ZNF385D: variants seen among roughly 807,000 people sequenced by gnomAD.
The protein encoded by ZNF385D is zinc finger protein 385D.
In ZNF385D, 15 loss-of-function variants were observed where a neutral mutation model predicts 35.8. That is an observed-to-expected ratio of 0.42 (90% CI 0.28 to 0.64). The LOEUF (loss-of-function observed/expected upper bound fraction) is 0.64. Ranked by LOEUF, ZNF385D falls within the 30% of genes least tolerant of loss-of-function variation. The pLI is 0.23. For synonymous variants in ZNF385D, 212 were observed against 186.8 expected, an observed-to-expected ratio of 1.13 and a Z score of -1.10; for missense variants, 474 against 494.6, an observed-to-expected ratio of 0.96 and a Z score of 0.39.
At chr3:22,242,445 G>A (rs537046064) in intron 2 of ZNF385D, among the ~76,000 whole-genome samples, 7 of 150,760 alleles carry the variant, frequency 4.6e-5, no homozygotes, top group African/African-American at 1.5e-4. Flanking sequence ...TGGATATCAC[G>A]TAAACCCTGA....
At chr3:22,250,221 T>A (rs188747395) in intron 2 of ZNF385D, among the ~76,000 whole-genome samples, 1 of 152,256 alleles carries the variant, frequency 6.6e-6, no homozygotes, top group East Asian at 1.9e-4. Flanking sequence ...GAAAATTTCT[T>A]TATAGATATA....
intron 4 of ZNF385D, among the ~76,000 whole-genome samples, chr3:21,458,932 G>A (rs1020785517): frequency 1.3e-5 from 2 of 152,124 alleles, no homozygotes; most frequent in South Asian, 4.1e-4. Context: ...TTAAATGGGT[G>A]AATTCTATGG....
At chr3:21,931,458 A>G (rs1160674615) in intron 3 of ZNF385D, among the ~76,000 whole-genome samples, 2 of 152,210 alleles carry the variant, frequency 1.3e-5, no homozygotes, top group Non-Finnish European at 2.9e-5. Context: ...ACTTAAATGA[A>G]AAACGTATGT....
exon 2 of ZNF385D, chr3:22,372,509 C>CTCT: frequency 1.0e-6 from 1 of 985,710 alleles, no homozygotes; most frequent in Non-Finnish European, 1.2e-6. Context: ...TCCCACCGAG[C>CTCT]TCTTCATTCT....
rs192432803 is a variant in ZNF385D, at chr3:22,169,449, G to T, written c.107-414C>A. Among the ~76,000 whole-genome samples the T allele has an allele frequency of 2.2e-4, 33 of 152,242 alleles. No individual in the cohort carries two copies. In the South Asian group the frequency reaches 2.3e-3, roughly 11 times the overall value. ...TAAATCCAAAGTTTTTAATCATCAT[G>T]TTCTCTAGTATGTAATAATGAATTA... On this transcript the variant is annotated intron_variant, in intron 2 of 5. Transcript: ENST00000494108.
intron 3 of ZNF385D, among the ~76,000 whole-genome samples, chr3:21,932,696 C>G (rs148975414): frequency 6.6e-6 from 1 of 151,806 alleles, no homozygotes; most frequent in Admixed American, 6.6e-5. Context: ...TCTCACTTTA[C>G]TTCTTGACTT....
chr3:22,181,186 T>TA (rs1559433506), intron 2 of ZNF385D, among the ~76,000 whole-genome samples: 1 of 152,062 alleles, frequency 6.6e-6, no homozygotes, highest in Non-Finnish European at 1.5e-5. Context: ...CTTTCACTAT[T>TA]AAAGGAGAAG....
intron 3 of ZNF385D, among the ~76,000 whole-genome samples, chr3:21,880,005 A>G (rs1698194324): frequency 1.3e-5 from 2 of 151,992 alleles, no homozygotes; most frequent in African/African-American, 4.8e-5. Context: ...GCATCATTAA[A>G]GCTAATAAAT....
chr3:21,873,089 T>C (rs545366601), intron 3 of ZNF385D, among the ~76,000 whole-genome samples: 1 of 152,264 alleles, frequency 6.6e-6, no homozygotes, highest in African/African-American at 2.4e-5. Context: ...TTGGTACAAG[T>C]GGATTTTATA....
chr3:22,238,118 T>C (rs1699293361), intron 2 of ZNF385D, among the ~76,000 whole-genome samples: 1 of 151,208 alleles, frequency 6.6e-6, no homozygotes, highest in African/African-American at 2.4e-5. Flanking sequence ...AGATCACAGA[T>C]GTGAAGATTT....
chr3:22,073,435 G>C (rs1700321904), intron 3 of ZNF385D, among the ~76,000 whole-genome samples: 1 of 151,506 alleles, frequency 6.6e-6, no homozygotes, highest in Admixed American at 6.6e-5. Flanking sequence ...TATTCCTTAG[G>C]GGAAAAGAAC....
At chr3:21,991,229 G>T (rs1359743218) in intron 3 of ZNF385D, among the ~76,000 whole-genome samples, 1 of 152,152 alleles carries the variant, frequency 6.6e-6, no homozygotes, top group African/African-American at 2.4e-5. Context: ...TGGCATTTTA[G>T]ATGGAAAGCA....
rs116588564 is a variant in ZNF385D, at chr3:22,209,432, T to C, written c.107-40397A>G. Among the ~76,000 whole-genome samples the C allele has an allele frequency of 5.3e-3, 803 of 152,006 alleles. 4 individuals carry two copies. Among genetic ancestry groups the C allele is most frequent in the Non-Finnish European group, 8.9e-3 (604 of 67,868 alleles). Reference sequence around the variant, plus strand: ...ATTCACATTTAGTAAAAACATTGTGTACATTTTATTATTAATGATTTTTAA... The same window carrying C: ...ATTCACATTTAGTAAAAACATTGTGCACATTTTATTATTAATGATTTTTAA... On this transcript the variant is annotated intron_variant, in intron 2 of 5. Transcript: ENST00000494108.
chr3:21,518,603 T>A (rs1449511409), intron 3 of ZNF385D, among the ~76,000 whole-genome samples: 1 of 152,178 alleles, frequency 6.6e-6, no homozygotes, highest in East Asian at 1.9e-4. Flanking sequence ...TAATCCACTG[T>A]TTTATTTGCA....
chr3:21,921,307 C>T (rs553584043), intron 3 of ZNF385D, among the ~76,000 whole-genome samples: 5 of 151,484 alleles, frequency 3.3e-5, no homozygotes, highest in African/African-American at 9.7e-5. Context: ...CCCCAAATCA[C>T]GTAACACTTG....
chr3:22,208,019 A>C (rs1697268287), intron 2 of ZNF385D, among the ~76,000 whole-genome samples: 2 of 151,932 alleles, frequency 1.3e-5, no homozygotes, highest in Non-Finnish European at 2.9e-5. Context: ...GAAGAGTTTA[A>C]AGGTTCCTCT....
chr3:21,520,206 C>G (rs994370248), intron 3 of ZNF385D, among the ~76,000 whole-genome samples: 1 of 152,146 alleles, frequency 6.6e-6, no homozygotes, highest in African/African-American at 2.4e-5. Context: ...GCCACCTTCT[C>G]CATGTAGTCT....
intron 3 of ZNF385D, among the ~76,000 whole-genome samples, chr3:22,122,740 G>A (rs187291073): frequency 3.9e-5 from 6 of 152,152 alleles, no homozygotes; most frequent in Admixed American, 2.0e-4. Context: ...CTACTGAGAC[G>A]GTGACATTCG....
intron 2 of ZNF385D, among the ~76,000 whole-genome samples, chr3:22,176,895 T>C (rs1694866212): frequency 6.6e-6 from 1 of 152,222 alleles, no homozygotes; most frequent in African/African-American, 2.4e-5. Context: ...TCTACTACTA[T>C]ATAAATAATA....
Sources: allele counts gnomAD v4.1 joint callset (sites outside exome capture counted in the v4.1 genomes callset), GRCh38; gene constraint gnomAD v4.1.1; transcripts MANE v1.5; gene names NCBI Gene and HGNC (gene_info 2026-07-23, HGNC 2026-07-21).